CHIC1: variants seen among roughly 807,000 people sequenced by gnomAD.
The protein encoded by CHIC1 is cysteine-rich hydrophobic domain-containing protein 1.
A neutral mutation model predicts 18.5 loss-of-function variants in CHIC1; 7 were observed. The ratio of observed to expected loss-of-function variants is 0.38; its 90% CI spans 0.22 to 0.71. The LOEUF is 0.71. Among genes scored for constraint, CHIC1 ranks in the 30% least tolerant of loss-of-function variants. The pLI, the probability that CHIC1 is intolerant of heterozygous loss-of-function variation, is 0.49. For synonymous variants in CHIC1, 77 were observed against 73.5 expected (o/e 1.05, Z -0.25); for missense variants, 159 against 176.9 (o/e 0.90, Z 0.57).
At chrX:73,636,803 A>G (rs980085513) in intron 3 of CHIC1, among the ~76,000 whole-genome samples, 5 of 110,953 alleles carry the variant, frequency 4.5e-5, no homozygotes, top group African/African-American at 1.3e-4. Flanking sequence ...ATTTATATAT[A>G]TATCTGTTCC....
chrX:73,569,875 G>A (rs2057462057), intron 1 of CHIC1, among the ~76,000 whole-genome samples: 1 of 111,117 alleles, frequency 9.0e-6, no homozygotes, highest in Non-Finnish European at 1.9e-5. Context: ...TTTTTATATA[G>A]ATACATTTAG....
At chrX:73,630,085 GT>G (rs1317173758) in intron 3 of CHIC1, among the ~76,000 whole-genome samples, 1 of 111,561 alleles carries the variant, frequency 9.0e-6, no homozygotes, top group African/African-American at 3.3e-5. Context: ...AAACACAACT[GT>G]TTTTGTATGT....
At chrX:73,579,077 C>A (rs767182608) in intron 2 of CHIC1, among the ~76,000 whole-genome samples, 30 of 110,178 alleles carry the variant, frequency 2.7e-4, no homozygotes, top group Non-Finnish European at 5.6e-4. Context: ...ATAAGAAATT[C>A]TGTTTAATTT....
At chrX:73,643,763 A>G (rs1161027673) in intron 3 of CHIC1, among the ~76,000 whole-genome samples, 2 of 111,249 alleles carry the variant, frequency 1.8e-5, no homozygotes, top group Non-Finnish European at 3.8e-5. Flanking sequence ...CTTGGTATCC[A>G]TTCATCTAAT....
intron 3 of CHIC1, among the ~76,000 whole-genome samples, chrX:73,677,755 CT>C (rs1462613801): frequency 8.9e-6 from 1 of 112,233 alleles, no homozygotes; most frequent in African/African-American, 3.2e-5. Flanking sequence ...CCTGCACCTA[CT>C]TTCTGGCCCT....
Position 73,681,178 on chromosome X carries a change from T to A in CHIC1, c.*173T>A, listed in dbSNP as rs1019125069. 1.9e-4 allele frequency: 76 copies of A among 404,692 alleles called. No individual in the cohort carries two copies. In the Middle Eastern group the frequency reaches 4.6e-3, roughly 24 times the overall value. 33.4% of individuals were successfully genotyped at this position (404,692 alleles called of 1,213,427 possible). A position where few individuals can be genotyped will look rare whatever the true frequency, so the allele number is the denominator to read the frequency against. On this transcript the variant is annotated 3_prime_UTR_variant, in exon 6 of 6. Coordinates refer to ENST00000373502, the MANE Select transcript of CHIC1 (RefSeq NM_001039840.4). ...GAAGAAAATTTGCACATCTTTTTTG[T>A]CTTTCAATGAGGCTTGTGTTTTGCA... is the stretch of plus-strand genomic sequence containing the variant.
At chrX:73,649,950 A>G (rs994425964) in intron 3 of CHIC1, among the ~76,000 whole-genome samples, 4 of 112,480 alleles carry the variant, frequency 3.6e-5, no homozygotes, top group African/African-American at 6.5e-5. Flanking sequence ...GTAAAACACT[A>G]CTTAACAAAT....
At chrX:73,655,831 ATGGGATTGCTGGG>A (rs1485790182) in intron 3 of CHIC1, among the ~76,000 whole-genome samples, 2 of 109,583 alleles carry the variant, frequency 1.8e-5, no homozygotes, top group Non-Finnish European at 3.8e-5. Flanking sequence ...ATTCCCAGCA[ATGGGATTGCTGGG>A]TCAAATAGTA....
At chrX:73,592,750 T>C (rs944527644) in intron 3 of CHIC1, among the ~76,000 whole-genome samples, 2 of 110,606 alleles carry the variant, frequency 1.8e-5, no homozygotes, top group Non-Finnish European at 3.8e-5. Flanking sequence ...TCCTCCTCTA[T>C]TTTTTGGAAT....
intron 3 of CHIC1, among the ~76,000 whole-genome samples, chrX:73,611,511 A>ACT: frequency 1.8e-5 from 2 of 108,808 alleles, no homozygotes; most frequent in African/African-American, 7.1e-5. Context: ...GCAGCATGTT[A>ACT]TATAATCCTT....
At chrX:73,588,862 T>A (rs1025597108) in intron 3 of CHIC1, among the ~76,000 whole-genome samples, 1 of 110,734 alleles carries the variant, frequency 9.0e-6, no homozygotes, top group Non-Finnish European at 1.9e-5. Flanking sequence ...TCACTTCTAA[T>A]TTTTTTCTAA....
chrX:73,671,444 A>G (rs4020540), intron 3 of CHIC1, among the ~76,000 whole-genome samples: 5,661 of 111,917 alleles, frequency 0.051, 364 homozygotes, highest in African/African-American at 0.17. Context: ...TGATGGTGTC[A>G]CAAAGGCTTT....
chrX:73,587,783 T>C (rs901142343), intron 3 of CHIC1, among the ~76,000 whole-genome samples: 2 of 111,589 alleles, frequency 1.8e-5, no homozygotes, highest in Admixed American at 1.9e-4. Context: ...AAAATACGTT[T>C]TGTGCTCTTG....
chrX:73,578,986 C>A (rs1242976921), intron 2 of CHIC1, among the ~76,000 whole-genome samples: 2 of 110,096 alleles, frequency 1.8e-5, no homozygotes, highest in South Asian at 7.5e-4. Flanking sequence ...TTGCTTTTGG[C>A]GTAATCACAA....
At chrX:73,652,310 C>T (rs2057920952) in intron 3 of CHIC1, among the ~76,000 whole-genome samples, 1 of 112,084 alleles carries the variant, frequency 8.9e-6, no homozygotes, top group Admixed American at 9.5e-5. Context: ...CAATAACATT[C>T]AGGACATAGG....
chrX:73,626,198 C>T (rs1046781138), intron 3 of CHIC1, among the ~76,000 whole-genome samples: 3 of 111,621 alleles, frequency 2.7e-5, no homozygotes. Flanking sequence ...TATGTTGTTT[C>T]CTCTGTCTTG....
At chrX:73,656,477 A>G (rs909943720) in intron 3 of CHIC1, among the ~76,000 whole-genome samples, 3 of 111,972 alleles carry the variant, frequency 2.7e-5, no homozygotes, top group Non-Finnish European at 5.6e-5. Context: ...TGATTTTTAT[A>G]TATGGTATAA....
intron 2 of CHIC1, among the ~76,000 whole-genome samples, chrX:73,577,852 ATAATT>A (rs900372581): frequency 3.6e-5 from 4 of 110,224 alleles, no homozygotes; most frequent in Non-Finnish European, 7.7e-5. Flanking sequence ...ATACATGAAA[ATAATT>A]AAATTTTTGA....
intron 3 of CHIC1, among the ~76,000 whole-genome samples, chrX:73,677,541 G>A (rs911900932): frequency 8.9e-6 from 1 of 112,384 alleles, no homozygotes; most frequent in South Asian, 3.7e-4. Context: ...TCCGAGCCAG[G>A]TGCAGGATAT....
Sources: gnomAD v4.1 joint callset for allele counts (sites outside exome capture counted in the v4.1 genomes callset) on GRCh38, gnomAD v4.1.1 for gene constraint, MANE v1.5 for transcripts, NCBI Gene and HGNC (gene_info 2026-07-23, HGNC 2026-07-21) for gene names.